The following IL17REL variants were observed in gnomAD, a reference collection of about 807,000 sequenced individuals.
IL17REL encodes the protein interleukin 17 receptor E like.
In IL17REL, 36 loss-of-function variants were observed where a neutral mutation model predicts 49.0. The observed-to-expected ratio is 0.73, with a 90% CI of 0.56 to 0.97. The LOEUF is 0.97. IL17REL is among the 50% of genes least tolerant of loss of function. The probability of loss-of-function intolerance (pLI) is 0.00; values close to 1 mark genes in which losing one functional copy is unlikely to be tolerated. For missense variants in IL17REL, 470 were observed against 453.9 expected (o/e 1.04, Z -0.32); for synonymous variants, 206 against 192.4 (o/e 1.07, Z -0.58).
chr22:50,002,303 G>C (rs558971360), intron 1 of IL17REL, among the ~76,000 whole-genome samples: 2 of 152,110 alleles, frequency 1.3e-5, no homozygotes, highest in African/African-American at 4.8e-5. Flanking sequence ...GTGCTCCTTC[G>C]CTTCAGTAAA....
chr22:49,999,915 T>A lies in IL17REL; in HGVS notation c.387A>T (p.Gln129His), dbSNP rs370319998. 3.9e-6 allele frequency: 6 copies of A among 1,535,396 alleles called. No homozygotes were observed. In the South Asian group the frequency reaches 7.3e-5, roughly 19 times the overall value. ...CGGGGCTCCCGGAGGCCCTGGGCACTTGCACCAGAATCGCCTTGCGCCTCC... is the reference window on the plus strand; with the variant it reads ...CGGGGCTCCCGGAGGCCCTGGGCACATGCACCAGAATCGCCTTGCGCCTCC... The change falls in exon 5 of 13, where the codon CAA (glutamine) becomes CAT (histidine). Residue 129 changes from glutamine to histidine, a missense_variant. By Grantham distance (24) the Gln-to-His change is conservative (BLOSUM62 0). Transcript: ENST00000341280.
At chr22:49,996,964 C>T in intron 12 of IL17REL, 30 bp downstream of exon 14, 1 of 1,211,220 alleles carries the variant, frequency 8.3e-7, no homozygotes, top group Non-Finnish European at 1.1e-6. Context: ...GAGGAGATGG[C>T]TAGGGGCTGG....
At chr22:50,009,642 G>T (rs1232263669), upstream of IL17REL, among the ~76,000 whole-genome samples, 2 of 151,148 alleles carry the variant, frequency 1.3e-5, no homozygotes, top group Non-Finnish European at 3.0e-5. Context: ...AGGCTGTCGG[G>T]GTGGGGGTGG....
In IL17REL at chr22:49,999,446, C is replaced by G. The variant is rs373983547; in HGVS notation, c.531G>C (p.Pro177=). 13 of 1,611,904 alleles carry G rather than the reference C, an allele frequency of 8.1e-6. No individual in the cohort carries two copies. The South Asian group carries it at 1.3e-4, about 16-fold the overall frequency. Residue 177 remains proline, a synonymous_variant, in exon 6 of 13, where the codon CCG becomes CCC. Coordinates refer to ENST00000341280, the Ensembl canonical transcript of IL17REL. Reference sequence around the variant, plus strand: ...CTCCACCGACCTCCAGGCACAGGCACGGCAGCTCCTGGCTGTAGGGCAGGA... The same window carrying G: ...CTCCACCGACCTCCAGGCACAGGCAGGGCAGCTCCTGGCTGTAGGGCAGGA...
At chr22:50,004,694 C>T (rs2061099057) in intron 1 of IL17REL, among the ~76,000 whole-genome samples, 1 of 151,142 alleles carries the variant, frequency 6.6e-6, no homozygotes, top group African/African-American at 2.4e-5. Flanking sequence ...AACCCTGTCT[C>T]TACTAAAAAT....
Position 50,001,230 on chromosome 22 carries a change from CCCT to C in IL17REL, c.-41-2_-41del. 7.4e-7 allele frequency: 1 copy of C among 1,351,136 alleles called. No individual in the cohort carries two copies. The highest frequency in any genetic ancestry group is 1.0e-6 in the Non-Finnish European group (1 of 963,580). 83.7% of individuals were successfully genotyped at this position (1,351,136 alleles called of 1,614,324 possible). On this transcript the variant is annotated splice_acceptor_variant and 5_prime_UTR_variant, in exon 2 of 13. Transcript: ENST00000341280. LOFTEE classifies it low-confidence loss of function (5UTR_SPLICE). ...GCCGGCAGAAGCTGTTAAAAATGTTCCCTGGGGAGGGAGAAGGAGCGTGAGGCC... is the reference window on the plus strand; with the variant it reads ...GCCGGCAGAAGCTGTTAAAAATGTTCGGGGAGGGAGAAGGAGCGTGAGGCC...
intron 8 of IL17REL, 28 bp downstream of exon 10, chr22:49,998,109 C>A (rs1379352619): frequency 4.4e-6 from 7 of 1,593,872 alleles, no homozygotes; most frequent in Non-Finnish European, 5.1e-6. Context: ...TCCATGCCCA[C>A]CCCCATCCCT....
At chr22:50,004,079 T>G (rs973827044) in intron 1 of IL17REL, among the ~76,000 whole-genome samples, 1 of 151,740 alleles carries the variant, frequency 6.6e-6, no homozygotes, top group Non-Finnish European at 1.5e-5. Context: ...TAGTTTTTTG[T>G]TTTTTTGTGT....
intron 1 of IL17REL, among the ~76,000 whole-genome samples, chr22:50,002,495 CTTTT>C (rs398040533): frequency 5.5e-5 from 7 of 127,906 alleles, no homozygotes; most frequent in African/African-American, 6.0e-5. Flanking sequence ...CTTTTCTTTT[CTTTT>C]TTTTTTTTTT....
chr22:50,003,863 C>G (rs1158331383), intron 1 of IL17REL, among the ~76,000 whole-genome samples: 2 of 152,116 alleles, frequency 1.3e-5, no homozygotes, highest in African/African-American at 4.8e-5. Context: ...GCAGGGGGGA[C>G]CCTACTCCAC....
chr22:50,010,827 G>A (rs919825820), upstream of IL17REL, among the ~76,000 whole-genome samples: 6 of 151,654 alleles, frequency 4.0e-5, no homozygotes, highest in South Asian at 2.1e-4. Context: ...GGCGGGGGGG[G>A]GCTGAGCCCG....
intron 1 of IL17REL, among the ~76,000 whole-genome samples, chr22:50,005,044 T>C (rs1323986304): frequency 1.4e-5 from 2 of 140,682 alleles, no homozygotes; most frequent in Non-Finnish European, 3.0e-5. Context: ...AATGAGGACA[T>C]ATACAGAGTT....
chr22:50,007,478 C>A (rs2061116206), intron 1 of IL17REL, among the ~76,000 whole-genome samples: 1 of 152,158 alleles, frequency 6.6e-6, no homozygotes, highest in Admixed American at 6.6e-5. Context: ...TCGAGTGATT[C>A]TCTTGCCTCA....
chr22:49,998,363 G>T, intron 7 of IL17REL, 54 bp from the exon 10 acceptor site: 3 of 1,528,276 alleles, frequency 2.0e-6, no homozygotes, highest in Non-Finnish European at 2.7e-6. Flanking sequence ...CTGGCTGCCA[G>T]GCCCATGGGG....
chr22:50,001,713 G>A (rs2061081424), intron 1 of IL17REL, among the ~76,000 whole-genome samples: 1 of 152,268 alleles, frequency 6.6e-6, no homozygotes, highest in Non-Finnish European at 1.5e-5. Flanking sequence ...AGGGCCTTCT[G>A]CTCTGAGACC....
chr22:49,999,899 C>G (rs771849474), exon 5 of IL17REL: 4 of 1,541,900 alleles, frequency 2.6e-6, no homozygotes, highest in Non-Finnish European at 3.5e-6. Flanking sequence ...TCGGGGCTCC[C>G]GGAGGCCCTG....
chr22:50,001,356 T>G, intron 1 of IL17REL, 125 bp from the exon 3 acceptor site: 1 of 588,222 alleles, frequency 1.7e-6, no homozygotes, highest in Non-Finnish European at 3.0e-6. Flanking sequence ...TTTACTATCT[T>G]GCCCCAGGCC....
intron 1 of IL17REL, among the ~76,000 whole-genome samples, chr22:50,006,701 C>T (rs1018907752): frequency 3.3e-5 from 5 of 152,110 alleles, no homozygotes; most frequent in Non-Finnish European, 5.9e-5. Flanking sequence ...CGCCTGTAAT[C>T]CCAGCACTTT....
In IL17REL at chr22:50,002,411, C is replaced by G. The variant is rs1036416194; in HGVS notation, c.-41-1180G>C. 2.6e-5 allele frequency among the ~76,000 whole-genome samples: 4 copies of G among 152,158 alleles called. No homozygotes were observed. In the East Asian group the frequency reaches 7.7e-4, roughly 29 times the overall value. On this transcript the variant is annotated intron_variant, in intron 1 of 12. Coordinates refer to ENST00000341280, the Ensembl canonical transcript of IL17REL. ...ACAACTGACGGTTGAGACCTTCCAC[C>G]CAGTAACTCTGTGCCTCAAAGGGGC...
Sources: gnomAD v4.1 joint callset for allele counts (sites outside exome capture counted in the v4.1 genomes callset) on GRCh38, gnomAD v4.1.1 for gene constraint, MANE v1.5 for transcripts, NCBI Gene and HGNC (gene_info 2026-07-23, HGNC 2026-07-21) for gene names.